TBC1D22A: variants seen among roughly 807,000 people sequenced by gnomAD.
TBC1D22A encodes TBC1 domain family member 22A.
Under a neutral mutation model 60.2 loss-of-function variants are expected in TBC1D22A, and 38 were observed. That is an observed-to-expected ratio of 0.63 (90% CI 0.49 to 0.83). TBC1D22A has a LOEUF of 0.83. Among genes scored for constraint, TBC1D22A ranks in the 40% least tolerant of loss-of-function variants. The pLI, the probability that TBC1D22A is intolerant of heterozygous loss-of-function variation, is 0.00. For synonymous variants in TBC1D22A, 302 were observed against 281.7 expected (o/e 1.07, Z -0.72); for missense variants, 628 against 701.0 (o/e 0.90, Z 1.18).
intron 11 of TBC1D22A, among the ~76,000 whole-genome samples, chr22:47,088,889 G>GCA (rs911052255): frequency 2.0e-5 from 3 of 152,172 alleles, no homozygotes; most frequent in African/African-American, 7.2e-5. Flanking sequence ...AAGCGTTCTC[G>GCA]CACACACACA....
intron 10 of TBC1D22A, among the ~76,000 whole-genome samples, chr22:47,033,881 T>C (rs906308179): frequency 5.9e-5 from 9 of 152,020 alleles, no homozygotes; most frequent in Admixed American, 2.0e-4. Context: ...TCTGGTGCCT[T>C]TCTTAGGCAC....
intron 5 of TBC1D22A, among the ~76,000 whole-genome samples, chr22:46,888,305 G>A (rs535553009): frequency 3.3e-4 from 50 of 152,364 alleles, no homozygotes; most frequent in African/African-American, 1.1e-3. Context: ...AGAGGGTGAC[G>A]TGGCTCCCAG....
intron 10 of TBC1D22A, among the ~76,000 whole-genome samples, chr22:47,014,563 C>T (rs1387690100): frequency 6.6e-6 from 1 of 152,218 alleles, no homozygotes; most frequent in Non-Finnish European, 1.5e-5. Flanking sequence ...GTCCCTATGC[C>T]CCACCAAGCA....
chr22:46,954,331 C>G (rs549507684), intron 8 of TBC1D22A, among the ~76,000 whole-genome samples: 7 of 152,302 alleles, frequency 4.6e-5, no homozygotes, highest in African/African-American at 1.7e-4. Context: ...AAACGTGATG[C>G]GTGTATGTGA....
chr22:47,023,769 G>A (rs1015601141), intron 10 of TBC1D22A, among the ~76,000 whole-genome samples: 3 of 152,168 alleles, frequency 2.0e-5, no homozygotes, highest in Non-Finnish European at 1.5e-5. Context: ...GGTGAAATAC[G>A]TGCTGTTTCA....
chr22:46,814,905 C>T (rs801473), intron 4 of TBC1D22A, among the ~76,000 whole-genome samples: 5,149 of 152,068 alleles, frequency 0.034, 283 homozygotes, highest in African/African-American at 0.12. Context: ...CCACCCACCT[C>T]ACCCTCCCAA....
At chr22:47,029,447 G>A (rs1241827059) in intron 10 of TBC1D22A, among the ~76,000 whole-genome samples, 1 of 152,222 alleles carries the variant, frequency 6.6e-6, no homozygotes, top group Non-Finnish European at 1.5e-5. Flanking sequence ...GCATAGGCCA[G>A]ATGACTGAAC....
At chr22:46,963,486 C>T (rs1041783923) in intron 8 of TBC1D22A, among the ~76,000 whole-genome samples, 68 of 150,638 alleles carry the variant, frequency 4.5e-4, no homozygotes, top group South Asian at 2.3e-3. Flanking sequence ...TGGAGCAGGC[C>T]CTTGTTCCTG....
chr22:46,865,986 G>A (rs1415545274), intron 4 of TBC1D22A, among the ~76,000 whole-genome samples: 1 of 152,174 alleles, frequency 6.6e-6, no homozygotes, highest in Non-Finnish European at 1.5e-5. Context: ...CACCATATGG[G>A]ACCTGAAGAA....
In TBC1D22A at chr22:46,932,720, C is replaced by CTTTTTTTTTTTTTT. The variant is rs67463903; in HGVS notation, c.1015+20541_1015+20554dup. 1.2e-4 allele frequency among the ~76,000 whole-genome samples: 8 copies of CTTTTTTTTTTTTTT among 66,322 alleles called. 1 individual carries two copies. Among genetic ancestry groups the CTTTTTTTTTTTTTT allele is most frequent in the African/African-American group, 5.4e-4 (8 of 14,754 alleles). The allele number at this position is 66,322 out of a possible 152,430, so 43.5% of individuals were successfully genotyped here. A position where few individuals can be genotyped will look rare whatever the true frequency, so the allele number is the denominator to read the frequency against. On this transcript the variant is annotated intron_variant, in intron 8 of 12. Transcript: ENST00000337137. ...AGTGCAGTGTGCGTTGTCCTTCTTG[C>CTTTTTTTTTTTTTT]TTTTTTTTTTTTTTTTTTTTTTGAG...
intron 8 of TBC1D22A, among the ~76,000 whole-genome samples, chr22:46,941,253 G>T (rs996611822): frequency 2.4e-5 from 3 of 122,524 alleles, no homozygotes; most frequent in African/African-American, 9.0e-5. Flanking sequence ...CCCTTGAACA[G>T]CATGGAAGCT....
At chr22:47,012,991 C>G (rs574935785) in intron 10 of TBC1D22A, among the ~76,000 whole-genome samples, 1 of 152,346 alleles carries the variant, frequency 6.6e-6, no homozygotes, top group African/African-American at 2.4e-5. Flanking sequence ...AGCCATCGTG[C>G]TCCAGTTACA....
At chr22:47,128,431 C>G (rs906318599) in intron 12 of TBC1D22A, among the ~76,000 whole-genome samples, 1 of 136,260 alleles carries the variant, frequency 7.3e-6, no homozygotes, top group Non-Finnish European at 1.6e-5. Flanking sequence ...TTCTGTGTTC[C>G]GTCCCTGGCT....
At chr22:46,863,647 T>A (rs2066915112) in intron 4 of TBC1D22A, among the ~76,000 whole-genome samples, 1 of 152,030 alleles carries the variant, frequency 6.6e-6, no homozygotes, top group Non-Finnish European at 1.5e-5. Context: ...CATAATAGGG[T>A]TTTAAAAGTG....
intron 11 of TBC1D22A, among the ~76,000 whole-genome samples, chr22:47,050,846 C>T (rs376389418): frequency 2.6e-5 from 4 of 152,140 alleles, no homozygotes; most frequent in African/African-American, 9.7e-5. Flanking sequence ...GTCTGCCATG[C>T]CCTGGACAGG....
Position 46,990,104 on chromosome 22 carries a change from G to A in TBC1D22A, c.1126-7530G>A, listed in dbSNP as rs1279665979. Among the ~76,000 whole-genome samples, 6 of 152,184 alleles carry A rather than the reference G, an allele frequency of 3.9e-5. No homozygotes were observed. The highest frequency in any genetic ancestry group is 7.4e-5 in the Non-Finnish European group (5 of 68,018). On this transcript the variant is annotated intron_variant, in intron 9 of 12. Coordinates refer to ENST00000337137, the MANE Select transcript of TBC1D22A (RefSeq NM_014346.5). The surrounding 1 kb of genome is among the most constrained non-coding windows in gnomAD (Gnocchi z 4.6). Reference sequence around the variant, plus strand: ...CAGATGTGCGCCACCGCGCCCGGCCGCAAAATGTAAGTTTTATTTAAAATG... The same window carrying A: ...CAGATGTGCGCCACCGCGCCCGGCCACAAAATGTAAGTTTTATTTAAAATG...
At chr22:46,899,916 T>C (rs1012788081) in intron 7 of TBC1D22A, among the ~76,000 whole-genome samples, 6 of 152,130 alleles carry the variant, frequency 3.9e-5, no homozygotes, top group African/African-American at 1.4e-4. Flanking sequence ...AAGTTTGGGC[T>C]GCTAATAGGA....
At chr22:47,034,931 C>T (rs1018653305) in intron 10 of TBC1D22A, among the ~76,000 whole-genome samples, 3 of 152,170 alleles carry the variant, frequency 2.0e-5, no homozygotes, top group African/African-American at 7.2e-5. Context: ...GACTCTGGCA[C>T]TGATGCGTCA....
At chr22:47,003,310 T>G (rs1032528721) in intron 10 of TBC1D22A, among the ~76,000 whole-genome samples, 1 of 151,982 alleles carries the variant, frequency 6.6e-6, no homozygotes, top group Non-Finnish European at 1.5e-5. Context: ...TAGGTTACCC[T>G]TTGCTCCCCG....
Sources: allele counts gnomAD v4.1 joint callset (sites outside exome capture counted in the v4.1 genomes callset), GRCh38; gene constraint gnomAD v4.1.1; non-coding constraint Gnocchi (gnomAD v3.1); transcripts MANE v1.5; gene names NCBI Gene and HGNC (gene_info 2026-07-23, HGNC 2026-07-21).